SYNE1: variants seen among roughly 807,000 people sequenced by gnomAD.
The protein encoded by SYNE1 is nesprin-1.
Under a neutral mutation model 1,111.0 loss-of-function variants are expected in SYNE1, and 616 were observed. The observed-to-expected ratio is 0.55, with a 90% CI of 0.52 to 0.59. SYNE1 has a LOEUF of 0.59. Ranked by LOEUF, SYNE1 falls within the 20% of genes least tolerant of loss-of-function variation. SYNE1 has a pLI of 0.00. For missense variants in SYNE1, 10,006 were observed against 10,417.0 expected, an observed-to-expected ratio of 0.96 and a Z score of 1.72; for synonymous variants, 3,855 against 3,825.8, an observed-to-expected ratio of 1.01 and a Z score of -0.28.
At chr6:152,471,488 T>C in intron 16 of SYNE1, 109 bp downstream of exon 16, 1 of 1,079,648 alleles carries the variant, frequency 9.3e-7, no homozygotes, top group Non-Finnish European at 1.4e-6. Flanking sequence ...TAACACACGC[T>C]ATCTTTATGT....
At chr6:152,376,272 G>T in intron 58 of SYNE1, 109 bp downstream of exon 58, 2 of 1,221,622 alleles carry the variant, frequency 1.6e-6, no homozygotes, top group Non-Finnish European at 2.4e-6. Flanking sequence ...TTCCTAACAG[G>T]CCAGGGACCT....
intron 42 of SYNE1, 106 bp from the exon 43 acceptor site, chr6:152,409,815 A>C: frequency 2.5e-6 from 3 of 1,205,298 alleles, no homozygotes; most frequent in Non-Finnish European, 3.6e-6. Flanking sequence ...ATTAATACTC[A>C]TAGACGGATT....
At chr6:152,495,071 T>C (rs2098991785) in intron 11 of SYNE1, among the ~76,000 whole-genome samples, 1 of 152,134 alleles carries the variant, frequency 6.6e-6, no homozygotes, top group African/African-American at 2.4e-5. Flanking sequence ...TCCATGTAGG[T>C]TACAAGCCAC....
intron 145 of SYNE1, chr6:152,128,637 C>T (rs902947950): frequency 1.3e-5 from 2 of 152,354 alleles, no homozygotes; most frequent in Middle Eastern, 6.8e-3. Context: ...AACTCAGTCT[C>T]TTTCTCCTCT....
chr6:152,535,076 T>G (rs891576256), intron 4 of SYNE1, among the ~76,000 whole-genome samples: 1 of 152,160 alleles, frequency 6.6e-6, no homozygotes, highest in African/African-American at 2.4e-5. Flanking sequence ...TTTAGAGAGG[T>G]AATCAAGTTA....
At chr6:152,595,589 T>TA (rs2099578772) in intron 3 of SYNE1, among the ~76,000 whole-genome samples, 1 of 152,136 alleles carries the variant, frequency 6.6e-6, no homozygotes. Flanking sequence ...TCGTAATACT[T>TA]AAAAATGTTG....
Position 152,450,700 on chromosome 6 carries a change from T to C in SYNE1, c.3320A>G (p.Glu1107Gly). The C allele has an allele frequency of 6.2e-7, 1 of 1,614,118 alleles. No individual in the cohort carries two copies. The highest frequency in any genetic ancestry group is 8.5e-7 in the Non-Finnish European group (1 of 1,180,020). The change falls in exon 27 of 146, where the codon GAG becomes GGG. Residue 1107 changes from glutamate (E) to glycine (G), a missense_variant. Glu to Gly is a moderately conservative substitution (Grantham distance 98). Transcript: ENST00000367255. Reference protein sequence around the residue: ...TPGTCHVTLKELRAAIDSTYR... With the variant: ...TPGTCHVTLKGLRAAIDSTYR... ...GGTGCTGTCAATGGCAGCTCTGAGC[T>C]CTTTGAGAGTCACGTGACAGGTTCC... is the stretch of plus-strand genomic sequence containing the variant.
intron 123 of SYNE1, among the ~76,000 whole-genome samples, chr6:152,212,046 T>G (rs1410228680): frequency 6.6e-6 from 1 of 152,082 alleles, no homozygotes; most frequent in Non-Finnish European, 1.5e-5. Context: ...TAAATTTTAA[T>G]AAATTTATTT....
chr6:152,147,456 T>G (rs768114366), intron 137 of SYNE1: 1 of 152,432 alleles, frequency 6.6e-6, no homozygotes, highest in Non-Finnish European at 1.5e-5. Context: ...TTTTCCATGG[T>G]GAACAGGCTG....
intron 3 of SYNE1, among the ~76,000 whole-genome samples, chr6:152,626,127 T>G (rs996889591): frequency 3.3e-5 from 5 of 152,198 alleles, no homozygotes; most frequent in African/African-American, 1.2e-4. Flanking sequence ...TCATCCATAC[T>G]CTTCACTTTC....
chr6:152,399,533 T>C, intron 48 of SYNE1, 83 bp downstream of exon 48: 1 of 1,537,398 alleles, frequency 6.5e-7, no homozygotes, highest in Non-Finnish European at 9.0e-7. Flanking sequence ...TCCTCAAACT[T>C]TTGCTGGCAG....
chr6:152,617,887 A>G lies in SYNE1; in HGVS notation c.67+10378T>C, dbSNP rs561949380. ...TGTAAGGCAGGGAAATGAGACTGAG[A>G]TTGGCTTGAAGGAATCTAGAAATTG... On this transcript the variant is annotated intron_variant, in intron 3 of 145. Coordinates refer to ENST00000367255, the MANE Select transcript of SYNE1 (RefSeq NM_182961.4). Among the ~76,000 whole-genome samples the G allele has an allele frequency of 8.5e-5, 13 of 152,314 alleles. No homozygotes were observed. In the South Asian group the frequency reaches 1.2e-3, roughly 15 times the overall value.
At chr6:152,341,710 T>G (rs1449484672) in intron 74 of SYNE1, among the ~76,000 whole-genome samples, 1 of 152,178 alleles carries the variant, frequency 6.6e-6, no homozygotes, top group Non-Finnish European at 1.5e-5. Context: ...GCCTGGTCAA[T>G]TTTACATGAA....
At chr6:152,462,040 A>G (rs1222130110) in intron 20 of SYNE1, among the ~76,000 whole-genome samples, 1 of 152,164 alleles carries the variant, frequency 6.6e-6, no homozygotes, top group Admixed American at 6.5e-5. Context: ...TAAAATGTAA[A>G]TGTATATTTA....
At chr6:152,627,229 T>C (rs1478547383) in intron 3 of SYNE1, among the ~76,000 whole-genome samples, 15 of 152,212 alleles carry the variant, frequency 9.9e-5, no homozygotes, top group Admixed American at 9.8e-4. Flanking sequence ...GCAATATCTT[T>C]AGATAACTAC....
chr6:152,552,836 C>G (rs1264035283), intron 3 of SYNE1, among the ~76,000 whole-genome samples: 4 of 152,122 alleles, frequency 2.6e-5, no homozygotes, highest in Non-Finnish European at 5.9e-5. Flanking sequence ...AGTGACCCTC[C>G]TCATAATAGA....
At chr6:152,236,431 T>A in intron 109 of SYNE1, 128 bp from the exon 110 acceptor site, 1 of 719,194 alleles carries the variant, frequency 1.4e-6, no homozygotes, top group Non-Finnish European at 2.3e-6. Flanking sequence ...CTCACTCAAG[T>A]AACATTGAAA....
intron 120 of SYNE1, 33 bp from the exon 121 acceptor site, chr6:152,218,436 T>C: frequency 6.5e-7 from 1 of 1,541,176 alleles, no homozygotes; most frequent in Non-Finnish European, 8.7e-7. Flanking sequence ...GGTATTTCAG[T>C]TAAAAAAAAA....
At chr6:152,370,333 G>A (rs2097159115) in intron 59 of SYNE1, among the ~76,000 whole-genome samples, 1 of 152,112 alleles carries the variant, frequency 6.6e-6, no homozygotes, top group Admixed American at 6.5e-5. Flanking sequence ...CACTTCCGGA[G>A]ACACACCATA....
Sources: gnomAD v4.1 joint callset for allele counts (sites outside exome capture counted in the v4.1 genomes callset) on GRCh38, gnomAD v4.1.1 for gene constraint, MANE v1.5 for transcripts, NCBI Gene and HGNC (gene_info 2026-07-23, HGNC 2026-07-21) for gene names.